STK31: variants seen among roughly 807,000 people sequenced by gnomAD.
STK31 encodes serine/threonine-protein kinase 31.
Under a neutral mutation model 129.7 loss-of-function variants are expected in STK31, and 89 were observed. That is an observed-to-expected ratio of 0.69 (90% CI 0.58 to 0.82). The LOEUF is 0.82. Among genes scored for constraint, STK31 ranks in the 40% least tolerant of loss-of-function variants. STK31 has a pLI of 0.00. For synonymous variants in STK31, 448 were observed against 395.3 expected (o/e 1.13, Z -1.58); for missense variants, 1,187 against 1,176.4 (o/e 1.01, Z -0.13).
At chr7:23,734,742 A>T (rs1207250647) in intron 6 of STK31, among the ~76,000 whole-genome samples, 3 of 152,194 alleles carry the variant, frequency 2.0e-5, no homozygotes, top group Non-Finnish European at 4.4e-5. Context: ...AGGTGGGCGG[A>T]TCACTTGAGG....
chr7:23,738,938 T>C (rs1011694417), intron 8 of STK31, among the ~76,000 whole-genome samples: 18 of 152,342 alleles, frequency 1.2e-4, no homozygotes, highest in African/African-American at 3.6e-4. Context: ...AATAAACATA[T>C]GTGTGCATAT....
intron 21 of STK31, among the ~76,000 whole-genome samples, chr7:23,790,497 T>G (rs1012810090): frequency 4.6e-5 from 7 of 152,310 alleles, no homozygotes; most frequent in South Asian, 2.1e-4. Flanking sequence ...TTTAGAATTT[T>G]CAGAATTAGA....
At chr7:23,777,796 C>T (rs370194409) in intron 15 of STK31, among the ~76,000 whole-genome samples, 10 of 152,066 alleles carry the variant, frequency 6.6e-5, no homozygotes, top group African/African-American at 2.4e-4. Context: ...TCCAATTTGC[C>T]AGTCCTTGTC....
intron 11 of STK31, among the ~76,000 whole-genome samples, chr7:23,765,370 C>T (rs1789752675): frequency 6.6e-6 from 1 of 151,970 alleles, no homozygotes. Flanking sequence ...TTATTTTTAA[C>T]CTTTTGTATT....
intron 8 of STK31, among the ~76,000 whole-genome samples, chr7:23,741,603 G>T (rs1201340036): frequency 1.3e-5 from 2 of 152,146 alleles, no homozygotes; most frequent in African/African-American, 2.4e-5. Flanking sequence ...TTGTTCCAGA[G>T]CAGGTGCCCC....
chr7:23,828,934 C>T (rs541567337), intron 23 of STK31, among the ~76,000 whole-genome samples: 11 of 150,374 alleles, frequency 7.3e-5, no homozygotes, highest in South Asian at 2.1e-4. Flanking sequence ...GAGTTTCGTT[C>T]GTGTTGCCCA....
At chr7:23,757,803 G>A (rs1031085261) in intron 10 of STK31, among the ~76,000 whole-genome samples, 1 of 152,042 alleles carries the variant, frequency 6.6e-6, no homozygotes, top group Non-Finnish European at 1.5e-5. Context: ...CCCTTCCCAC[G>A]AAGCCGTATT....
chr7:23,735,875 G>T lies in STK31; in HGVS notation c.821G>T (p.Gly274Val). 1 of 1,586,632 alleles carries T rather than the reference G, an allele frequency of 6.3e-7. No homozygotes were observed. The highest frequency in any genetic ancestry group is 8.6e-7 in the Non-Finnish European group (1 of 1,166,374). Residue 274 changes from glycine (G) to valine (V), a missense_variant, in exon 7 of 24, where the codon GGC becomes GTC. This residue lies in a region of STK31 where 975 missense variants were observed against 934.9 expected (regional missense o/e 1.04). Transcript: ENST00000355870. Reference protein sequence around the residue: ...TLDLKDENDAGNLITFPKESL... With the variant: ...TLDLKDENDAVNLITFPKESL... ...GACTTGAAGGATGAAAATGATGCAG[G>T]CAATCTTATAACATTTCCAAAGTAA...
At chr7:23,824,868 G>A (rs1373532873) in intron 23 of STK31, among the ~76,000 whole-genome samples, 1 of 151,626 alleles carries the variant, frequency 6.6e-6, no homozygotes, top group African/African-American at 2.4e-5. Context: ...TGTGGTTTTT[G>A]TCTTTGGTTC....
intron 23 of STK31, among the ~76,000 whole-genome samples, chr7:23,828,245 G>C (rs1467391530): frequency 6.6e-6 from 1 of 151,568 alleles, no homozygotes; most frequent in African/African-American, 2.4e-5. Context: ...GCTCCACCCA[G>C]TTTGAGCTTC....
chr7:23,776,394 C>A (rs747511377), intron 15 of STK31, among the ~76,000 whole-genome samples: 5 of 152,134 alleles, frequency 3.3e-5, no homozygotes, highest in Admixed American at 6.5e-5. Flanking sequence ...GGAATTGTTT[C>A]AGAAAGAATG....
At chr7:23,714,141 G>T (rs1405881414) in intron 3 of STK31, among the ~76,000 whole-genome samples, 1 of 151,996 alleles carries the variant, frequency 6.6e-6, no homozygotes, top group Non-Finnish European at 1.5e-5. Context: ...CACTATGTGG[G>T]GCATGGCTGC....
At chr7:23,766,182 T>G (rs1490964756) in intron 11 of STK31, among the ~76,000 whole-genome samples, 2 of 152,216 alleles carry the variant, frequency 1.3e-5, no homozygotes, top group Admixed American at 1.3e-4. Context: ...GTTGTTTAGC[T>G]GACTATAAAA....
intron 22 of STK31, among the ~76,000 whole-genome samples, chr7:23,792,327 A>T (rs1791670034): frequency 1.3e-5 from 2 of 152,196 alleles, no homozygotes; most frequent in Admixed American, 1.3e-4. Flanking sequence ...TATATAAGCA[A>T]CAAATAATAG....
At chr7:23,725,979 C>A (rs546033029) in intron 4 of STK31, 99 of 152,192 alleles carry the variant, frequency 6.5e-4, no homozygotes, top group African/African-American at 2.2e-3. Context: ...GTGCCAGGCT[C>A]TTTTCAACAA....
rs578085627 is a variant in STK31, at chr7:23,740,614, T to C, written c.1017+3536T>C. On this transcript the variant is annotated intron_variant, in intron 8 of 23. Transcript: ENST00000355870. The stretch of plus-strand genomic sequence containing the variant: ...CACCCATTAACTCGTCATTTAGCAT[T>C]AGGTATATCTCCTAATGCTATCCTT... Among the ~76,000 whole-genome samples, 261 of 152,228 alleles carry C rather than the reference T, an allele frequency of 1.7e-3. 2 individuals carry two copies. The highest frequency in any genetic ancestry group is 8.6e-3 in the Admixed American group (132 of 15,276).
intron 8 of STK31, among the ~76,000 whole-genome samples, chr7:23,744,761 G>A (rs561399930): frequency 1.3e-5 from 2 of 152,326 alleles, no homozygotes; most frequent in East Asian, 3.9e-4. Context: ...GTGGTTGTTA[G>A]TGGGGGCTGC....
chr7:23,787,741 TAC>T (rs71888376), intron 20 of STK31, among the ~76,000 whole-genome samples: 23,994 of 145,268 alleles, frequency 0.17, 2,014 homozygotes, highest in African/African-American at 0.22. Context: ...GGTATGATTG[TAC>T]ACACACACAC....
Position 23,781,532 on chromosome 7 carries a change from G to C in STK31, c.2067+12G>C. On this transcript the variant is annotated intron_variant, in intron 16 of 23. Coordinates refer to ENST00000355870, the MANE Select transcript of STK31 (RefSeq NM_031414.5). ...AGAGAGAGGAATATGTAAGTATTTG[G>C]TTCTTTGAAGTTTTACATTAGGTTT... is the stretch of plus-strand genomic sequence containing the variant. 1.3e-6 allele frequency: 2 copies of C among 1,576,444 alleles called. No homozygotes were observed. Among genetic ancestry groups the C allele is most frequent in the Non-Finnish European group, 1.7e-6 (2 of 1,156,708 alleles).
Sources: allele counts gnomAD v4.1 joint callset (sites outside exome capture counted in the v4.1 genomes callset), GRCh38; gene constraint gnomAD v4.1.1; regional missense constraint gnomAD v4.1.1; transcripts MANE v1.5; gene names NCBI Gene and HGNC (gene_info 2026-07-23, HGNC 2026-07-21).